SLIT3: variants seen among roughly 807,000 people sequenced by gnomAD.
SLIT3 encodes slit guidance ligand 3, also known as slit homolog 3 protein.
A neutral mutation model predicts 184.0 loss-of-function variants in SLIT3; 68 were observed. That is an observed-to-expected ratio of 0.37 (90% CI 0.30 to 0.45). The LOEUF is 0.45. SLIT3 is among the 20% of genes least tolerant of loss of function. The pLI is 1.00. For synonymous variants in SLIT3, 831 were observed against 828.6 expected (o/e 1.00, Z -0.05); for missense variants, 1,707 against 2,026.0 (o/e 0.84, Z 3.02).
chr5:168,882,346 G>A (rs1252182249), intron 5 of SLIT3, among the ~76,000 whole-genome samples: 2 of 152,188 alleles, frequency 1.3e-5, no homozygotes, highest in African/African-American at 2.4e-5. Flanking sequence ...CATAGTCCTT[G>A]TAGGGGCCCA....
intron 5 of SLIT3, among the ~76,000 whole-genome samples, chr5:168,855,217 A>G (rs138578959): frequency 1.7e-4 from 26 of 152,314 alleles, no homozygotes; most frequent in African/African-American, 6.3e-4. Context: ...ATGAGAAACA[A>G]TAAGTGCTCG....
At chr5:169,202,883 T>C (rs1437422045) in intron 3 of SLIT3, among the ~76,000 whole-genome samples, 1 of 143,730 alleles carries the variant, frequency 7.0e-6, no homozygotes, top group East Asian at 2.3e-4. Context: ...TCCAATGACA[T>C]GGCTGTTAGG....
At chr5:168,708,934 T>G (rs933230387) in intron 25 of SLIT3, among the ~76,000 whole-genome samples, 16 of 152,128 alleles carry the variant, frequency 1.1e-4, no homozygotes, top group African/African-American at 3.6e-4. Context: ...TACCAGGGGC[T>G]CAACCCGACT....
chr5:169,210,243 G>T (rs1326456745), intron 3 of SLIT3, among the ~76,000 whole-genome samples: 9 of 152,092 alleles, frequency 5.9e-5, no homozygotes. Context: ...GAAGGTATGG[G>T]GCCTTGTGGG....
At chr5:168,974,001 G>A (rs1023706358) in intron 4 of SLIT3, among the ~76,000 whole-genome samples, 2 of 152,270 alleles carry the variant, frequency 1.3e-5, no homozygotes. Flanking sequence ...CCATAATTAT[G>A]AAATCATCTC....
chr5:169,145,723 G>T (rs775748408), intron 4 of SLIT3, among the ~76,000 whole-genome samples: 9 of 152,168 alleles, frequency 5.9e-5, no homozygotes, highest in Non-Finnish European at 1.0e-4. Flanking sequence ...CAAAGCTGAA[G>T]ATGATAACAT....
chr5:168,873,414 G>A (rs1361050573), intron 5 of SLIT3, among the ~76,000 whole-genome samples: 2 of 150,948 alleles, frequency 1.3e-5, no homozygotes, highest in East Asian at 3.9e-4. Context: ...CGGATCACTT[G>A]AACCCAGTAG....
chr5:168,826,455 G>A (rs531806007), intron 6 of SLIT3, among the ~76,000 whole-genome samples: 7 of 152,104 alleles, frequency 4.6e-5, no homozygotes, highest in Non-Finnish European at 8.8e-5. Context: ...TTCTTGTGCC[G>A]CTGCCTAAGT....
In SLIT3 at chr5:168,789,543, A is replaced by C. The variant is rs201318089; in HGVS notation, c.1079+17T>G. The C allele has an allele frequency of 2.5e-4, 396 of 1,607,110 alleles. No individual in the cohort carries two copies. The highest frequency in any genetic ancestry group is 3.1e-4 in the Non-Finnish European group (367 of 1,175,502). On this transcript the variant is annotated intron_variant, in intron 11 of 35. Coordinates refer to ENST00000519560, the MANE Select transcript of SLIT3 (RefSeq NM_003062.4). ...CCCCCTCCCCTCACCTCAGGCCCCA[A>C]CTCGGGCCCCACTTACAGCGATGTG...
chr5:168,708,163 T>TC (rs1762433397), intron 25 of SLIT3, 63 bp from the exon 26 acceptor site: 2 of 1,610,928 alleles, frequency 1.2e-6, no homozygotes, highest in East Asian at 4.5e-5. Flanking sequence ...ATACCTCCCT[T>TC]CCCCTCTGCT....
At chr5:169,104,442 G>T (rs934020945) in intron 4 of SLIT3, among the ~76,000 whole-genome samples, 2 of 152,130 alleles carry the variant, frequency 1.3e-5, no homozygotes, top group African/African-American at 4.8e-5. Context: ...TTCTGATGAG[G>T]TTTTCACCTG....
At chr5:169,117,672 T>C (rs1252079580) in intron 4 of SLIT3, among the ~76,000 whole-genome samples, 3 of 152,222 alleles carry the variant, frequency 2.0e-5, no homozygotes, top group African/African-American at 7.2e-5. Context: ...TTAAAAAGTC[T>C]CACCCAAGCT....
intron 6 of SLIT3, among the ~76,000 whole-genome samples, chr5:168,841,515 C>T (rs1280117374): frequency 6.6e-6 from 1 of 152,178 alleles, no homozygotes; most frequent in Non-Finnish European, 1.5e-5. Context: ...CTGCACTGGA[C>T]ATCCCCCATC....
At chr5:168,779,179 A>G (rs541848923) in intron 12 of SLIT3, among the ~76,000 whole-genome samples, 16 of 152,268 alleles carry the variant, frequency 1.1e-4, no homozygotes, top group African/African-American at 3.9e-4. Flanking sequence ...AAGTTCCACA[A>G]CCCGTAAGAG....
At position 169,110,712 on chromosome 5, in the gene SLIT3, C is replaced by T. The variant is rs138039629; in HGVS notation, c.413+82767G>A. ...CAGTGTCTTTTTAGGGGACACAATT[C>T]AATGCATAACACCGGGCTACGTTAT... On this transcript the variant is annotated intron_variant, in intron 4 of 35. Transcript: ENST00000519560. Among the ~76,000 whole-genome samples, 1,275 of 152,262 alleles carry T rather than the reference C, an allele frequency of 8.4e-3. 9 individuals are homozygous for T. Among genetic ancestry groups the T allele is most frequent in the Middle Eastern group, 0.02 (6 of 294 alleles).
intron 4 of SLIT3, among the ~76,000 whole-genome samples, chr5:168,959,283 G>A (rs1762932905): frequency 1.3e-5 from 2 of 152,232 alleles, no homozygotes; most frequent in African/African-American, 4.8e-5. Context: ...CTGTAAGTGA[G>A]GGGGTATGCC....
At chr5:169,162,601 A>G (rs1178558903) in intron 4 of SLIT3, among the ~76,000 whole-genome samples, 1 of 152,222 alleles carries the variant, frequency 6.6e-6, no homozygotes, top group Non-Finnish European at 1.5e-5. Flanking sequence ...AAGTTATCCA[A>G]CAGCACTGAC....
At chr5:168,677,200 A>C (rs1761442374) in intron 32 of SLIT3, among the ~76,000 whole-genome samples, 1 of 152,212 alleles carries the variant, frequency 6.6e-6, no homozygotes, top group Non-Finnish European at 1.5e-5. Context: ...GACCCTGGGC[A>C]AGTCATATCA....
At chr5:168,822,108 G>T (rs946345264) in intron 7 of SLIT3, among the ~76,000 whole-genome samples, 2 of 152,082 alleles carry the variant, frequency 1.3e-5, no homozygotes, top group Non-Finnish European at 2.9e-5. Flanking sequence ...AACAAGTTCT[G>T]GGTGATATTG....
Sources: allele counts gnomAD v4.1 joint callset (sites outside exome capture counted in the v4.1 genomes callset), GRCh38; gene constraint gnomAD v4.1.1; transcripts MANE v1.5; gene names NCBI Gene and HGNC (gene_info 2026-07-23, HGNC 2026-07-21).